KIF5C: variants seen among roughly 807,000 people sequenced by gnomAD.
KIF5C encodes kinesin family member 5C, also known as kinesin heavy chain isoform 5C.
KIF5C carries 18 observed loss-of-function variants against 125.2 expected under a neutral mutation model. The ratio of observed to expected loss-of-function variants is 0.14; its 90% CI spans 0.10 to 0.21. The LOEUF is 0.21. KIF5C is among the 10% of genes least tolerant of loss of function. KIF5C has a pLI of 1.00. For synonymous variants in KIF5C, 405 were observed against 434.0 expected, an observed-to-expected ratio of 0.93 and a Z score of 0.83; for missense variants, 780 against 1,183.8, an observed-to-expected ratio of 0.66 and a Z score of 5.01.
intron 10 of KIF5C, among the ~76,000 whole-genome samples, chr2:148,952,736 A>C (rs1475977738): frequency 1.3e-5 from 2 of 152,022 alleles, no homozygotes; most frequent in African/African-American, 4.8e-5. Context: ...TACTTTCAAG[A>C]ATATTGGGAG....
At chr2:149,019,950 G>A (rs1342661846) in intron 25 of KIF5C, among the ~76,000 whole-genome samples, 1 of 152,192 alleles carries the variant, frequency 6.6e-6, no homozygotes, top group African/African-American at 2.4e-5. Flanking sequence ...ACCATCTCCA[G>A]TTTGGCAGAG....
rs1682664375 is a variant in KIF5C, at chr2:149,025,554, G to A, written c.*2484G>A. On this transcript the variant is annotated 3_prime_UTR_variant, in exon 26 of 26. Coordinates refer to ENST00000435030, the MANE Select transcript of KIF5C (RefSeq NM_004522.3). ...AAAAACCACACTTCTGAACAACTAA[G>A]CTCATGAATATGATTTTGGTTATAT... is the stretch of plus-strand genomic sequence containing the variant. 1 of 152,200 alleles carries A rather than the reference G, an allele frequency of 6.6e-6. No individual in the cohort carries two copies. The highest frequency in any genetic ancestry group is 2.4e-5 in the African/African-American group (1 of 41,426). The allele number at this position is 152,200 out of a possible 1,614,324, so 9.4% of individuals were successfully genotyped here.
intron 1 of KIF5C, among the ~76,000 whole-genome samples, chr2:148,907,739 G>C (rs1384612709): frequency 1.3e-5 from 2 of 152,222 alleles, no homozygotes; most frequent in Admixed American, 6.5e-5. Flanking sequence ...AGCCTTTGTG[G>C]CCGAGGTGGC....
intron 2 of KIF5C, among the ~76,000 whole-genome samples, chr2:148,922,855 T>G (rs1681843465): frequency 6.6e-6 from 1 of 152,204 alleles, no homozygotes; most frequent in South Asian, 2.1e-4. Flanking sequence ...AAGCCTACAT[T>G]TACATCTTAG....
chr2:148,964,359 T>C (rs1323538732), intron 11 of KIF5C, among the ~76,000 whole-genome samples: 1 of 151,950 alleles, frequency 6.6e-6, no homozygotes, highest in East Asian at 1.9e-4. Context: ...GTTACATAAT[T>C]TGGGGAAAAT....
chr2:148,994,936 C>T (rs1239200307), intron 17 of KIF5C, among the ~76,000 whole-genome samples: 1 of 152,104 alleles, frequency 6.6e-6, no homozygotes, highest in Admixed American at 6.5e-5. Context: ...CTCCTGACCT[C>T]GTGATCTGTC....
At chr2:148,979,792 A>G (rs1681181870) in intron 13 of KIF5C, among the ~76,000 whole-genome samples, 1 of 152,218 alleles carries the variant, frequency 6.6e-6, no homozygotes, top group African/African-American at 2.4e-5. Context: ...TTGATACACT[A>G]AAAAGGAGGC....
chr2:149,002,713 C>T (rs971190820), intron 21 of KIF5C, among the ~76,000 whole-genome samples: 3 of 152,134 alleles, frequency 2.0e-5, no homozygotes, highest in Non-Finnish European at 4.4e-5. Context: ...CTCACACGCA[C>T]GCAGGCGCAT....
intron 1 of KIF5C, among the ~76,000 whole-genome samples, chr2:148,909,082 G>A (rs1681230186): frequency 6.6e-6 from 1 of 152,210 alleles, no homozygotes; most frequent in African/African-American, 2.4e-5. Flanking sequence ...AGCCAAAACA[G>A]AAACCAGATC....
chr2:148,973,598 T>C, intron 12 of KIF5C, 87 bp downstream of exon 12: 1 of 1,447,256 alleles, frequency 6.9e-7, no homozygotes, highest in East Asian at 2.5e-5. Flanking sequence ...GATGTAGGGC[T>C]ACAGCCCGAT....
At chr2:148,945,724 G>A (rs567877090) in intron 7 of KIF5C, among the ~76,000 whole-genome samples, 1 of 152,048 alleles carries the variant, frequency 6.6e-6, no homozygotes, top group South Asian at 2.1e-4. Flanking sequence ...TTCCCCTCAA[G>A]TCCCCAAAGT....
chr2:148,933,450 C>T (rs1244930366), intron 3 of KIF5C, among the ~76,000 whole-genome samples: 1 of 151,364 alleles, frequency 6.6e-6, no homozygotes, highest in African/African-American at 2.4e-5. Flanking sequence ...CACATTCCAC[C>T]CCCCCCACAT....
At chr2:148,919,579 C>G (rs1489226449) in intron 1 of KIF5C, among the ~76,000 whole-genome samples, 1 of 152,170 alleles carries the variant, frequency 6.6e-6, no homozygotes, top group East Asian at 1.9e-4. Flanking sequence ...TTGTTCAAGT[C>G]TCAATCAGGA....
chr2:148,938,812 A>G (rs1682345277), intron 4 of KIF5C, among the ~76,000 whole-genome samples: 1 of 152,144 alleles, frequency 6.6e-6, no homozygotes, highest in South Asian at 2.1e-4. Flanking sequence ...TAGGCTGGGC[A>G]CAGTGGCTCA....
intron 25 of KIF5C, among the ~76,000 whole-genome samples, chr2:149,016,229 T>G (rs563269358): frequency 4.6e-5 from 7 of 152,128 alleles, no homozygotes; most frequent in African/African-American, 1.4e-4. Flanking sequence ...GTGGGCAACT[T>G]AGATTGTAGC....
intron 11 of KIF5C, among the ~76,000 whole-genome samples, chr2:148,970,831 C>T (rs1477021069): frequency 6.6e-6 from 1 of 152,218 alleles, no homozygotes; most frequent in East Asian, 1.9e-4. Flanking sequence ...ACCCTAGCCT[C>T]ATGATACCAT....
chr2:148,946,529 A>G (rs773205776), intron 7 of KIF5C, among the ~76,000 whole-genome samples: 2 of 152,246 alleles, frequency 1.3e-5, no homozygotes, highest in South Asian at 2.1e-4. Context: ...TGTATTAATC[A>G]TGATGAAGTC....
At chr2:148,979,329 C>T (rs1440126747) in intron 13 of KIF5C, among the ~76,000 whole-genome samples, 1 of 152,158 alleles carries the variant, frequency 6.6e-6, no homozygotes, top group African/African-American at 2.4e-5. Flanking sequence ...GTTGTCCAGG[C>T]TGGAATGCAG....
intron 17 of KIF5C, among the ~76,000 whole-genome samples, chr2:148,995,537 A>ATGT (rs1681643587): frequency 1.3e-5 from 2 of 152,260 alleles, no homozygotes; most frequent in Admixed American, 6.5e-5. Context: ...GTGCCATGCA[A>ATGT]TGTGAAACTA....
Sources: gnomAD v4.1 joint callset for allele counts (sites outside exome capture counted in the v4.1 genomes callset) on GRCh38, gnomAD v4.1.1 for gene constraint, MANE v1.5 for transcripts, NCBI Gene and HGNC (gene_info 2026-07-23, HGNC 2026-07-21) for gene names.